Variants in TENM3 observed in about 807,000 individuals in gnomAD.
The protein encoded by TENM3 is teneurin-3.
Under a neutral mutation model 255.1 loss-of-function variants are expected in TENM3, and 63 were observed. The ratio of observed to expected loss-of-function variants is 0.25; its 90% CI spans 0.20 to 0.30. TENM3 has a LOEUF of 0.30. Ranked by LOEUF, TENM3 falls within the 10% of genes least tolerant of loss-of-function variation. The pLI, the probability that TENM3 is intolerant of heterozygous loss-of-function variation, is 1.00. For synonymous variants in TENM3, 1,306 were observed against 1,322.3 expected (o/e 0.99, Z 0.27); for missense variants, 2,929 against 3,461.1 (o/e 0.85, Z 3.86).
the TENM3 span, among the ~76,000 whole-genome samples, chr4:181,617,158 T>C: frequency 6.6e-6 from 1 of 152,136 alleles, no homozygotes; most frequent in Non-Finnish European, 1.5e-5. Context: ...AGATAATAGA[T>C]GGTCCAGTGG....
intron 19 of TENM3, among the ~76,000 whole-genome samples, chr4:182,748,841 G>T (rs995850178): frequency 3.3e-5 from 5 of 152,158 alleles, no homozygotes; most frequent in African/African-American, 1.2e-4. Flanking sequence ...CAATAGAGTT[G>T]TGTCCAAAAG....
chr4:181,473,156 G>A, the TENM3 span, among the ~76,000 whole-genome samples: 1 of 151,996 alleles, frequency 6.6e-6, no homozygotes, highest in African/African-American at 2.4e-5. Flanking sequence ...ATGAAATAAT[G>A]TTAAAAAATC....
At chr4:182,241,385 C>T (rs1757241858), upstream of TENM3, among the ~76,000 whole-genome samples, 2 of 152,184 alleles carry the variant, frequency 1.3e-5, no homozygotes, top group Non-Finnish European at 2.9e-5. Flanking sequence ...ATCCCTTCTT[C>T]TGTTCAGTGG....
chr4:181,696,953 G>A, the TENM3 span, among the ~76,000 whole-genome samples: 91 of 152,310 alleles, frequency 6.0e-4, no homozygotes, highest in African/African-American at 2.1e-3. Context: ...GAAGAAGAAG[G>A]AAGAACAGGA....
At chr4:181,983,686 T>G in the TENM3 span, among the ~76,000 whole-genome samples, 2 of 152,130 alleles carry the variant, frequency 1.3e-5, no homozygotes, top group Non-Finnish European at 1.5e-5. Flanking sequence ...TCAACCATAT[T>G]TCCGATGCAA....
chr4:182,488,046 G>A (rs2151562445), intron 3 of TENM3, among the ~76,000 whole-genome samples: 1 of 152,266 alleles, frequency 6.6e-6, no homozygotes, highest in South Asian at 2.1e-4. Context: ...ATGTATTTTG[G>A]ATAAGATGGC....
intron 1 of TENM3, among the ~76,000 whole-genome samples, chr4:182,293,374 G>A (rs1033557602): frequency 6.6e-6 from 1 of 152,164 alleles, no homozygotes; most frequent in Admixed American, 6.6e-5. Flanking sequence ...TTTAGAAGCT[G>A]AGTGGGTAAA....
At chr4:182,231,182 C>G (rs980600884) in intron 1 of TENM3, among the ~76,000 whole-genome samples, 1 of 152,034 alleles carries the variant, frequency 6.6e-6, no homozygotes, top group Non-Finnish European at 1.5e-5. Flanking sequence ...AGTTCCCCAA[C>G]CTCCATCCTC....
At chr4:181,869,515 A>G in the TENM3 span, among the ~76,000 whole-genome samples, 4 of 152,236 alleles carry the variant, frequency 2.6e-5, no homozygotes, top group South Asian at 8.3e-4. Flanking sequence ...TTTGTAATCT[A>G]AAGGATAAAT....
intron 3 of TENM3, among the ~76,000 whole-genome samples, chr4:182,598,525 C>T (rs891312012): frequency 4.6e-5 from 7 of 152,126 alleles, no homozygotes; most frequent in Non-Finnish European, 1.0e-4. Flanking sequence ...CCAATGGTTA[C>T]GTTTTTATTT....
the TENM3 span, among the ~76,000 whole-genome samples, chr4:181,889,961 G>A: frequency 6.6e-6 from 1 of 152,294 alleles, no homozygotes; most frequent in Non-Finnish European, 1.5e-5. Context: ...TAGGTTGATT[G>A]GAAAATGTCA....
the TENM3 span, among the ~76,000 whole-genome samples, chr4:181,811,556 T>C: frequency 6.6e-6 from 1 of 152,168 alleles, no homozygotes; most frequent in Non-Finnish European, 1.5e-5. Flanking sequence ...GACTGGGTAA[T>C]TTATGAAGGA....
At chr4:182,226,157 G>C (rs1756142718) in intron 1 of TENM3, among the ~76,000 whole-genome samples, 2 of 152,260 alleles carry the variant, frequency 1.3e-5, no homozygotes, top group Admixed American at 6.5e-5. Context: ...AGACCGAAAA[G>C]CTGGGTGGGG....
At chr4:181,503,272 G>A in the TENM3 span, among the ~76,000 whole-genome samples, 4 of 152,130 alleles carry the variant, frequency 2.6e-5, no homozygotes, top group African/African-American at 9.7e-5. Context: ...AGGCTGAGGT[G>A]GAAGGATTGC....
chr4:181,856,015 G>C, the TENM3 span, among the ~76,000 whole-genome samples: 1 of 72,270 alleles, frequency 1.4e-5, no homozygotes, highest in African/African-American at 4.1e-5. Context: ...AGGAAGGAAA[G>C]GGAAAGAAGG....
chr4:181,706,562 C>A, the TENM3 span, among the ~76,000 whole-genome samples: 7 of 152,152 alleles, frequency 4.6e-5, no homozygotes, highest in Non-Finnish European at 1.0e-4. Context: ...TAGGATTCCC[C>A]AGATAAGTAT....
In TENM3 at chr4:182,579,058, A is replaced by G. The variant is rs1015837573; in HGVS notation, c.512-21866A>G. On this transcript the variant is annotated intron_variant, in intron 3 of 27. Coordinates refer to ENST00000511685, the MANE Select transcript of TENM3 (RefSeq NM_001080477.4). ...CAGGAATGGAAGTCCCATCTCCTCAATTAGGGAATAAGCCCCTTTAGGCCA... is the reference window on the plus strand; with the variant it reads ...CAGGAATGGAAGTCCCATCTCCTCAGTTAGGGAATAAGCCCCTTTAGGCCA... 6.6e-5 allele frequency among the ~76,000 whole-genome samples: 10 copies of G among 152,296 alleles called. No homozygotes were observed. The South Asian group carries it at 2.1e-3, about 32-fold the overall frequency.
At chr4:181,643,895 G>A in the TENM3 span, among the ~76,000 whole-genome samples, 12 of 151,930 alleles carry the variant, frequency 7.9e-5, no homozygotes, top group Non-Finnish European at 1.6e-4. Context: ...TGGCCAACAC[G>A]GTGAAACCTC....
intron 22 of TENM3, among the ~76,000 whole-genome samples, chr4:182,769,683 C>G (rs1178623776): frequency 1.3e-5 from 2 of 152,112 alleles, no homozygotes; most frequent in African/African-American, 4.8e-5. Flanking sequence ...ACTCAGGAGG[C>G]TGCGGCAGGA....
Sources: allele counts gnomAD v4.1 joint callset (sites outside exome capture counted in the v4.1 genomes callset), GRCh38; gene constraint gnomAD v4.1.1; transcripts MANE v1.5; gene names NCBI Gene and HGNC (gene_info 2026-07-23, HGNC 2026-07-21).